TENT2: variants seen among roughly 807,000 people sequenced by gnomAD.
The protein encoded by TENT2 is poly(A) RNA polymerase GLD2.
In TENT2, 44 loss-of-function variants were observed where a neutral mutation model predicts 72.2. That is an observed-to-expected ratio of 0.61 (90% CI 0.48 to 0.78). The LOEUF (loss-of-function observed/expected upper bound fraction) is 0.78, where lower values mean the gene tolerates loss of function less well. Ranked by LOEUF, TENT2 falls within the 30% of genes least tolerant of loss-of-function variation. TENT2 has a pLI of 0.00. For synonymous variants in TENT2, 212 were observed against 192.5 expected, an observed-to-expected ratio of 1.10 and a Z score of -0.84; for missense variants, 541 against 569.6, an observed-to-expected ratio of 0.95 and a Z score of 0.51.
At chr5:79,674,389 G>GT (rs1815498155) in intron 12 of TENT2, among the ~76,000 whole-genome samples, 1 of 152,138 alleles carries the variant, frequency 6.6e-6, no homozygotes, top group Non-Finnish European at 1.5e-5. Flanking sequence ...GCGACAGGGC[G>GT]AGACCCCCTC....
chr5:79,659,352 G>A (rs963216183), intron 11 of TENT2, among the ~76,000 whole-genome samples: 3 of 150,946 alleles, frequency 2.0e-5, no homozygotes, highest in African/African-American at 7.3e-5. Context: ...GGCCAAGATA[G>A]TGAAACCCCG....
chr5:79,643,986 C>CTT (rs555747246), intron 7 of TENT2, among the ~76,000 whole-genome samples: 7,607 of 142,256 alleles, frequency 0.053, 678 homozygotes, highest in African/African-American at 0.18. Context: ...TTGATATATT[C>CTT]TTTTTTTTTT....
In TENT2 at chr5:79,684,352, C is replaced by T. The variant is rs117603162; in HGVS notation, c.1381-847C>T. Among the ~76,000 whole-genome samples, 87 of 152,276 alleles carry T rather than the reference C, an allele frequency of 5.7e-4. 1 individual carries two copies. The East Asian group carries it at 0.014, about 24-fold the overall frequency. On this transcript the variant is annotated intron_variant, in intron 14 of 14. Coordinates refer to ENST00000453514, the MANE Select transcript of TENT2 (RefSeq NM_001114394.3). The stretch of plus-strand genomic sequence containing the variant: ...AGACTCAGGCAGCCTCAATCTCCTG[C>T]GCTCAATGATCCTCCCACCTCAGCC...
chr5:79,627,144 A>G (rs1006478851), intron 4 of TENT2, among the ~76,000 whole-genome samples: 1 of 151,444 alleles, frequency 6.6e-6, no homozygotes, highest in Non-Finnish European at 1.5e-5. Flanking sequence ...AAAAAAAAAA[A>G]TCTTTTACTG....
At chr5:79,648,952 A>T in intron 9 of TENT2, 110 bp from the exon 10 acceptor site, 3 of 1,210,122 alleles carry the variant, frequency 2.5e-6, no homozygotes, top group Middle Eastern at 2.3e-4. Flanking sequence ...ACAGTGTTTA[A>T]TATACACGGA....
chr5:79,669,880 A>G (rs914245844), intron 12 of TENT2, among the ~76,000 whole-genome samples: 1 of 152,094 alleles, frequency 6.6e-6, no homozygotes, highest in African/African-American at 2.4e-5. Flanking sequence ...CCATTTTACC[A>G]GTGAAGCATA....
intron 12 of TENT2, among the ~76,000 whole-genome samples, chr5:79,674,899 G>C (rs1269028517): frequency 6.6e-6 from 1 of 152,082 alleles, no homozygotes; most frequent in African/African-American, 2.4e-5. Flanking sequence ...TGAGGAGGAA[G>C]GAGTGATTAT....
At chr5:79,638,622 A>G (rs993469434) in intron 4 of TENT2, among the ~76,000 whole-genome samples, 2 of 152,178 alleles carry the variant, frequency 1.3e-5, no homozygotes, top group Non-Finnish European at 2.9e-5. Context: ...GGTATTACCT[A>G]TAAGCAATTT....
In TENT2 at chr5:79,658,052, A is replaced by G. The variant is rs558891252; in HGVS notation, c.1071+1051A>G. On this transcript the variant is annotated intron_variant, in intron 11 of 14. Transcript: ENST00000453514. ...AACATAAGTTATTATTGTAATGCACACATGCAAGGTGCTGGATAATAAACG... is the reference window on the plus strand; with the variant it reads ...AACATAAGTTATTATTGTAATGCACGCATGCAAGGTGCTGGATAATAAACG... Among the ~76,000 whole-genome samples the G allele has an allele frequency of 4.8e-3, 727 of 152,350 alleles. 6 individuals carry two copies. The highest frequency in any genetic ancestry group is 5.6e-3 in the Non-Finnish European group (378 of 68,030).
intron 11 of TENT2, among the ~76,000 whole-genome samples, chr5:79,660,488 T>C (rs1310462870): frequency 6.6e-6 from 1 of 151,938 alleles, no homozygotes. Flanking sequence ...GAAACATTTA[T>C]GTTAATACAG....
At chr5:79,675,400 A>G (rs1371027393) in intron 12 of TENT2, among the ~76,000 whole-genome samples, 1 of 152,194 alleles carries the variant, frequency 6.6e-6, no homozygotes, top group Non-Finnish European at 1.5e-5. Context: ...TGAGTCAGGG[A>G]CATGTGCAGG....
intron 12 of TENT2, among the ~76,000 whole-genome samples, chr5:79,678,511 G>GA (rs150894100): frequency 0.11 from 16,731 of 151,158 alleles, 1,081 homozygotes; most frequent in African/African-American, 0.17. Context: ...AATGTTCCTT[G>GA]AAAAAAAAGA....
In TENT2 at chr5:79,620,170, C is replaced by G; in HGVS notation, c.227+87C>G. The G allele has an allele frequency of 4.8e-6, 4 of 833,020 alleles. No individual in the cohort carries two copies. The South Asian group carries it at 7.3e-5, about 15-fold the overall frequency. The allele number at this position is 833,020 out of a possible 1,614,324, so 51.6% of individuals were successfully genotyped here. On this transcript the variant is annotated intron_variant, in intron 3 of 14. Transcript: ENST00000453514. ...GTATCTTGAATTAATATTGTATGGA[C>G]CCTAAGCCCTATGTTTTGTTTTCTG...
chr5:79,653,069 A>G (rs927629633), intron 10 of TENT2, among the ~76,000 whole-genome samples: 1 of 152,188 alleles, frequency 6.6e-6, no homozygotes, highest in Non-Finnish European at 1.5e-5. Context: ...ATCATCCATA[A>G]TATGTGCCCT....
intron 10 of TENT2, among the ~76,000 whole-genome samples, chr5:79,651,450 C>CA (rs765897990): frequency 1.5e-4 from 21 of 141,346 alleles, no homozygotes; most frequent in Non-Finnish European, 2.8e-4. Flanking sequence ...GTATTAGAAC[C>CA]AAAAAACTGC....
At chr5:79,659,391 G>T (rs919006639) in intron 11 of TENT2, among the ~76,000 whole-genome samples, 1 of 150,866 alleles carries the variant, frequency 6.6e-6, no homozygotes, top group Non-Finnish European at 1.5e-5. Flanking sequence ...AAATTAGCTG[G>T]GCATGGTGGC....
intron 1 of TENT2, among the ~76,000 whole-genome samples, 173 bp from the exon 2 acceptor site, chr5:79,619,439 T>G (rs1190547502): frequency 6.6e-6 from 1 of 152,226 alleles, no homozygotes; most frequent in Admixed American, 6.5e-5. Flanking sequence ...ATTTGGAATT[T>G]ATTATTAGTT....
rs748983802 is a variant in TENT2 at position 79,619,647 on chromosome 5, G to A, written c.-2G>A. 5 of 1,609,140 alleles carry A rather than the reference G, an allele frequency of 3.1e-6. No homozygotes were observed. The African/African-American group carries it at 5.3e-5, about 17-fold the overall frequency. On this transcript the variant is annotated 5_prime_UTR_variant, in exon 2 of 15. Coordinates refer to ENST00000453514, the MANE Select transcript of TENT2 (RefSeq NM_001114394.3). The stretch of plus-strand genomic sequence containing the variant: ...ACATGTTCACTTCCAGTGAACAAGA[G>A]CATGTTCCCAAACTCAATTTTGGGT...
rs550511996 is a variant in TENT2, at chr5:79,626,208, T to C, written c.465+2719T>C. Among the ~76,000 whole-genome samples, 7 of 152,104 alleles carry C rather than the reference T, an allele frequency of 4.6e-5. 1 individual carries two copies. In the South Asian group the frequency reaches 1.5e-3, roughly 32 times the overall value. ...TGGAATGCATTGGTGGGATCATAGC[T>C]CATTGCAGCCTTAAACTCATAGGTT... On this transcript the variant is annotated intron_variant, in intron 4 of 14. Coordinates refer to ENST00000453514, the MANE Select transcript of TENT2 (RefSeq NM_001114394.3).
Sources: allele counts gnomAD v4.1 joint callset (sites outside exome capture counted in the v4.1 genomes callset), GRCh38; gene constraint gnomAD v4.1.1; transcripts MANE v1.5; gene names NCBI Gene and HGNC (gene_info 2026-07-23, HGNC 2026-07-21).